GLRX3: variants seen among roughly 807,000 people sequenced by gnomAD.
GLRX3 encodes the protein glutaredoxin-3.
Under a neutral mutation model 49.5 loss-of-function variants are expected in GLRX3, and 22 were observed. That is an observed-to-expected ratio of 0.44 (90% CI 0.32 to 0.63). GLRX3 has a LOEUF of 0.63. Ranked by LOEUF, GLRX3 falls within the 30% of genes least tolerant of loss-of-function variation. The pLI is 0.05. For synonymous variants in GLRX3, 133 were observed against 140.0 expected (o/e 0.95, Z 0.35); for missense variants, 385 against 396.3 (o/e 0.97, Z 0.24).
chr10:130,144,269 A>G (rs1862227943), intron 1 of GLRX3, among the ~76,000 whole-genome samples: 1 of 143,576 alleles, frequency 7.0e-6, no homozygotes, highest in Admixed American at 6.9e-5. Context: ...GTCTGAAAAT[A>G]TGGTTGATTT....
chr10:130,160,647 C>G, intron 3 of GLRX3, 149 bp from the exon 4 acceptor site: 1 of 608,356 alleles, frequency 1.6e-6, no homozygotes, highest in South Asian at 2.0e-5. Context: ...TTATGTATTT[C>G]TAAAATTGAG....
At chr10:130,177,487 T>C (rs1348566869) in intron 10 of GLRX3, among the ~76,000 whole-genome samples, 1 of 152,210 alleles carries the variant, frequency 6.6e-6, no homozygotes, top group Non-Finnish European at 1.5e-5. Context: ...AGAGGCTGCT[T>C]CACGTAATCT....
At chr10:130,148,559 C>G (rs1432226517) in intron 2 of GLRX3, among the ~76,000 whole-genome samples, 2 of 147,626 alleles carry the variant, frequency 1.4e-5, no homozygotes, top group South Asian at 4.3e-4. Flanking sequence ...TGATCATACA[C>G]TAGATATTTT....
intron 2 of GLRX3, among the ~76,000 whole-genome samples, chr10:130,149,931 T>C (rs1203306914): frequency 2.5e-5 from 2 of 81,140 alleles, no homozygotes; most frequent in Admixed American, 2.7e-4. Context: ...AGGTTTTCAT[T>C]AGTAAAAAAA....
At chr10:130,167,902 G>A (rs919532023) in intron 6 of GLRX3, among the ~76,000 whole-genome samples, 4 of 151,718 alleles carry the variant, frequency 2.6e-5, no homozygotes, top group Non-Finnish European at 5.9e-5. Flanking sequence ...TCCCTTTTTT[G>A]ACTCTGGGCG....
chr10:130,150,092 C>T (rs1013482967), intron 2 of GLRX3, among the ~76,000 whole-genome samples: 5 of 151,482 alleles, frequency 3.3e-5, no homozygotes, highest in African/African-American at 1.2e-4. Context: ...CAAAAAAAAT[C>T]AGCCAGCTGT....
chr10:130,166,128 G>T (rs1007529885), intron 4 of GLRX3, among the ~76,000 whole-genome samples: 1 of 152,164 alleles, frequency 6.6e-6, no homozygotes, highest in African/African-American at 2.4e-5. Context: ...CCCAGTCTCT[G>T]GGATTACAGG....
intron 2 of GLRX3, among the ~76,000 whole-genome samples, chr10:130,150,794 T>A (rs1862361509): frequency 6.6e-6 from 1 of 152,190 alleles, no homozygotes; most frequent in Admixed American, 6.5e-5. Flanking sequence ...AGGTGCATGC[T>A]AACTAGTGGA....
chr10:130,171,090 A>G (rs1326759114), intron 7 of GLRX3, among the ~76,000 whole-genome samples: 2 of 152,046 alleles, frequency 1.3e-5, no homozygotes, highest in African/African-American at 4.8e-5. Context: ...ATCACACTCC[A>G]GCCTGGGGAC....
At chr10:130,176,782 C>T (rs1862931269) in intron 10 of GLRX3, among the ~76,000 whole-genome samples, 2 of 132,714 alleles carry the variant, frequency 1.5e-5, no homozygotes, top group Admixed American at 7.7e-5. Context: ...CTTTCTCTCT[C>T]TCTCTCTCTC....
chr10:130,167,398 T>C (rs894751123), intron 6 of GLRX3, among the ~76,000 whole-genome samples: 5 of 152,178 alleles, frequency 3.3e-5, no homozygotes, highest in Non-Finnish European at 7.3e-5. Flanking sequence ...GTGGTGAGTG[T>C]GAAAAACTCA....
At chr10:130,176,548 T>C (rs980446219) in intron 10 of GLRX3, among the ~76,000 whole-genome samples, 2 of 152,200 alleles carry the variant, frequency 1.3e-5, no homozygotes, top group African/African-American at 4.8e-5. Flanking sequence ...AGAGGCTCTT[T>C]TTGTCCTTTG....
chr10:130,154,097 G>C (rs186568186), intron 2 of GLRX3, among the ~76,000 whole-genome samples: 172 of 152,310 alleles, frequency 1.1e-3, no homozygotes, highest in African/African-American at 3.7e-3. Flanking sequence ...AGACTGCTGC[G>C]CTGGCAGCGA....
intron 2 of GLRX3, among the ~76,000 whole-genome samples, chr10:130,146,263 G>A (rs1353416683): frequency 1.3e-5 from 2 of 152,186 alleles, no homozygotes; most frequent in East Asian, 3.9e-4. Flanking sequence ...GAAAAGCTAG[G>A]TGTGCTGTAG....
chr10:130,171,114 G>A (rs911547368), intron 7 of GLRX3, among the ~76,000 whole-genome samples: 2 of 150,612 alleles, frequency 1.3e-5, no homozygotes, highest in African/African-American at 4.9e-5. Flanking sequence ...GTGAGACTCT[G>A]TCTCAAAAAA....
intron 2 of GLRX3, among the ~76,000 whole-genome samples, chr10:130,151,030 G>C (rs1233275379): frequency 1.3e-5 from 2 of 151,740 alleles, no homozygotes; most frequent in Non-Finnish European, 2.9e-5. Flanking sequence ...TGGGTTCAAG[G>C]AATTCTCCTG....
Position 130,166,538 on chromosome 10 carries a change from C to T in GLRX3, c.510C>T (p.His170=). The change falls in exon 5 of 11, where the codon CAC becomes CAT. Residue 170 remains histidine, a synonymous_variant. Transcript: ENST00000331244. ...GCAAGCAGATGGTGGAAATTCTTCA[C>T]AAACATAATATTCAGTTTAGCAGTT... ...GFSKQMVEIL[H]KHNIQFSSFD... 1 of 1,613,214 alleles carries T rather than the reference C, an allele frequency of 6.2e-7. No individual in the cohort carries two copies. Among genetic ancestry groups the T allele is most frequent in the Non-Finnish European group, 8.5e-7 (1 of 1,179,326 alleles).
chr10:130,173,100 C>T (rs1382051917), intron 8 of GLRX3, among the ~76,000 whole-genome samples: 1 of 152,280 alleles, frequency 6.6e-6, no homozygotes, highest in South Asian at 2.1e-4. Context: ...TTTTGATTTT[C>T]CCCTTTCTTT....
At chr10:130,154,205 G>T (rs1862432911) in intron 2 of GLRX3, among the ~76,000 whole-genome samples, 1 of 152,190 alleles carries the variant, frequency 6.6e-6, no homozygotes, top group Non-Finnish European at 1.5e-5. Flanking sequence ...TAGTATTTGG[G>T]CAGAAGTGTA....
Sources: allele counts gnomAD v4.1 joint callset (sites outside exome capture counted in the v4.1 genomes callset), GRCh38; gene constraint gnomAD v4.1.1; transcripts MANE v1.5; gene names NCBI Gene and HGNC (gene_info 2026-07-23, HGNC 2026-07-21).